ARL6: variants seen among roughly 807,000 people sequenced by gnomAD.
The protein encoded by ARL6 is ARF like GTPase 6.
Under a neutral mutation model 27.1 loss-of-function variants are expected in ARL6, and 18 were observed. The observed-to-expected ratio is 0.66, with a 90% CI of 0.46 to 0.98. The LOEUF is 0.98. ARL6 is among the 50% of genes least tolerant of loss of function. The probability of loss-of-function intolerance (pLI) is 0.00; values close to 1 mark genes in which losing one functional copy is unlikely to be tolerated. For missense variants in ARL6, 187 were observed against 214.9 expected (o/e 0.87, Z 0.81); for synonymous variants, 65 against 72.3 (o/e 0.90, Z 0.51).
chr3:97,785,190 T>A, intron 5 of ARL6, 141 bp downstream of exon 5: 1 of 607,982 alleles, frequency 1.6e-6, no homozygotes, highest in Non-Finnish European at 2.9e-6. Context: ...TATACAAAAT[T>A]TATATTTTAT....
intron 7 of ARL6, 49 bp from the exon 8 acceptor site, chr3:97,797,975 G>C: frequency 1.3e-6 from 2 of 1,558,102 alleles, no homozygotes; most frequent in Non-Finnish European, 1.8e-6. Context: ...TTAGAAAATA[G>C]ATTTTGCCCT....
Position 97,768,231 on chromosome 3 carries a change from G to A in ARL6, c.123+1G>A, listed in dbSNP as rs1195519595. ...CATTAACAAACTTAAACCTTCAAAT[G>A]TAAGTATCTTTGTTAGATGCTTTAT... On this transcript the variant is annotated splice_donor_variant, in intron 2 of 7. Coordinates refer to ENST00000463745, the MANE Select transcript of ARL6 (RefSeq NM_001278293.3). LOFTEE classifies it high-confidence loss of function. 3 of 1,611,748 alleles carry A rather than the reference G, an allele frequency of 1.9e-6. No individual in the cohort carries two copies. In the South Asian group the frequency reaches 3.3e-5, roughly 18 times the overall value.
At position 97,798,038 on chromosome 3, in the gene ARL6, G is replaced by T. The variant is rs1389543975; in HGVS notation, c.550G>T (p.Val184Leu). 3.1e-6 allele frequency: 5 copies of T among 1,612,998 alleles called. No individual in the cohort carries two copies. Among genetic ancestry groups the T allele is most frequent in the Non-Finnish European group, 4.2e-6 (5 of 1,179,316 alleles). ...TTTGTTATCAGATCAGATCCAGACT[G>T]TGAAGACATGAAAAGATAATAGTTG... ...VDWLQDQIQT[V>L]KT Residue 184 changes from valine to leucine, a missense_variant, in exon 8 of 8, where the codon GTG (valine) becomes TTG (leucine). Physicochemically the swap from Val to Leu is conservative, Grantham distance 32 (BLOSUM62 1). Coordinates refer to ENST00000463745, the MANE Select transcript of ARL6 (RefSeq NM_001278293.3).
intron 4 of ARL6, 46 bp from the exon 5 acceptor site, chr3:97,784,909 A>G (rs767101548): frequency 7.0e-7 from 1 of 1,428,752 alleles, no homozygotes; most frequent in Admixed American, 1.7e-5. Flanking sequence ...ACATGGAAAA[A>G]TTTATAAGTA....
chr3:97,780,460 TTAA>T (rs1408732206), intron 3 of ARL6, among the ~76,000 whole-genome samples, 152 bp from the exon 4 acceptor site: 1 of 152,208 alleles, frequency 6.6e-6, no homozygotes, highest in East Asian at 1.9e-4. Context: ...TGTGTTTATA[TTAA>T]TACATTTATT....
chr3:97,780,773 G>C (rs1349856021), intron 4 of ARL6, 90 bp downstream of exon 4: 6 of 1,015,986 alleles, frequency 5.9e-6, no homozygotes, highest in Non-Finnish European at 9.0e-6. Flanking sequence ...TAGGTTGTTT[G>C]GCTTTTTTTT....
At chr3:97,784,480 TAA>T (rs148371215) in intron 4 of ARL6, among the ~76,000 whole-genome samples, 4 of 140,628 alleles carry the variant, frequency 2.8e-5, no homozygotes, top group Non-Finnish European at 4.7e-5. Context: ...ACCATAGTAG[TAA>T]AAAAAAAAAA....
intron 2 of ARL6, among the ~76,000 whole-genome samples, chr3:97,775,271 A>G (rs1442240741): frequency 6.6e-6 from 1 of 152,136 alleles, no homozygotes; most frequent in East Asian, 1.9e-4. Context: ...TATAAAGGGG[A>G]GTTTATTAAG....
At chr3:97,781,875 T>C (rs1559681592) in intron 4 of ARL6, among the ~76,000 whole-genome samples, 1 of 152,084 alleles carries the variant, frequency 6.6e-6, no homozygotes, top group Non-Finnish European at 1.5e-5. Flanking sequence ...GTATGTGATA[T>C]TTACCAGATA....
At chr3:97,785,413 C>A (rs999646944) in intron 5 of ARL6, among the ~76,000 whole-genome samples, 1 of 146,456 alleles carries the variant, frequency 6.8e-6, no homozygotes, top group African/African-American at 2.5e-5. Context: ...TATTTGTTAC[C>A]ATATTTTCAT....
chr3:97,799,314 A>G lies in ARL6; in HGVS notation c.*1265A>G, dbSNP rs918697860. 2 of 152,078 alleles carry G rather than the reference A, an allele frequency of 1.3e-5. No homozygotes were observed. Among genetic ancestry groups the G allele is most frequent in the Non-Finnish European group, 2.9e-5 (2 of 67,944 alleles). 9.4% of individuals were successfully genotyped at this position (152,078 alleles called of 1,614,324 possible). A position where few individuals can be genotyped will look rare whatever the true frequency, so the allele number is the denominator to read the frequency against. On this transcript the variant is annotated 3_prime_UTR_variant, in exon 8 of 8. Transcript: ENST00000463745. ...AATAAAAGCACATAAAGCTACAATAAAAGTTCTATATTCCAGTTTCTTATA... is the reference window on the plus strand; with the variant it reads ...AATAAAAGCACATAAAGCTACAATAGAAGTTCTATATTCCAGTTTCTTATA...
chr3:97,767,931 A>G (rs1297711553), intron 1 of ARL6, 150 bp from the exon 2 acceptor site: 1 of 682,008 alleles, frequency 1.5e-6, no homozygotes, highest in Admixed American at 2.7e-5. Flanking sequence ...ATCAGCTTAC[A>G]CTGTGTTTAC....
At chr3:97,788,939 CAG>C (rs1169358954) in intron 6 of ARL6, among the ~76,000 whole-genome samples, 1 of 152,068 alleles carries the variant, frequency 6.6e-6, no homozygotes, top group Non-Finnish European at 1.5e-5. Context: ...CTTTCCATGC[CAG>C]AGTTTCCCCC....
At chr3:97,780,385 A>G (rs2037132073) in intron 3 of ARL6, among the ~76,000 whole-genome samples, 165 bp downstream of exon 3, 1 of 152,210 alleles carries the variant, frequency 6.6e-6, no homozygotes. Context: ...TTCAGAATTT[A>G]GAGTTTAGAC....
chr3:97,774,343 G>A (rs917259262), intron 2 of ARL6, among the ~76,000 whole-genome samples: 7 of 150,098 alleles, frequency 4.7e-5, no homozygotes, highest in Admixed American at 3.3e-4. Flanking sequence ...GAATCCCCCC[G>A]GGATTCTAGA....
chr3:97,765,832 C>T (rs1169881884), intron 1 of ARL6, among the ~76,000 whole-genome samples: 1 of 152,178 alleles, frequency 6.6e-6, no homozygotes, highest in Non-Finnish European at 1.5e-5. Context: ...ACTTAAGACA[C>T]GATTAACAAA....
rs746549147 is a variant in ARL6 at position 97,768,216 on chromosome 3, C to T, written c.109C>T (p.Leu37Phe). ...TGGCAAAACGACGATCATTAACAAA[C>T]TTAAACCTTCAAATGTAAGTATCTT... ...NSGKTTIINK[L>F]KPSNAQSQNI... The change falls in exon 2 of 8, where the codon CTT (leucine) becomes TTT (phenylalanine). Residue 37 changes from leucine to phenylalanine, a missense_variant. Coordinates refer to ENST00000463745, the MANE Select transcript of ARL6 (RefSeq NM_001278293.3). 1 of 1,612,574 alleles carries T rather than the reference C, an allele frequency of 6.2e-7. No homozygotes were observed. Among genetic ancestry groups the T allele is most frequent in the South Asian group, 1.1e-5 (1 of 91,034 alleles).
chr3:97,772,521 T>C (rs967110079), intron 2 of ARL6, among the ~76,000 whole-genome samples: 2 of 152,050 alleles, frequency 1.3e-5, no homozygotes, highest in Admixed American at 1.3e-4. Context: ...ATTTTTGTTA[T>C]GATCTTTATT....
chr3:97,787,894 A>G (rs1157584150), intron 5 of ARL6, 96 bp from the exon 6 acceptor site: 1 of 1,301,630 alleles, frequency 7.7e-7, no homozygotes, highest in African/African-American at 1.5e-5. Flanking sequence ...AAAAAAGATA[A>G]TTGAAAAAAA....
Sources: allele counts gnomAD v4.1 joint callset (sites outside exome capture counted in the v4.1 genomes callset), GRCh38; gene constraint gnomAD v4.1.1; transcripts MANE v1.5; gene names NCBI Gene and HGNC (gene_info 2026-07-23, HGNC 2026-07-21).